Variants in POC1A observed in about 807,000 individuals in gnomAD.
The protein encoded by POC1A is POC1 centriolar protein A.
In POC1A, 34 loss-of-function variants were observed where a neutral mutation model predicts 47.8. The ratio of observed to expected loss-of-function variants is 0.71; its 90% confidence interval spans 0.54 to 0.95. The LOEUF (loss-of-function observed/expected upper bound fraction) is 0.95. Ranked by LOEUF, POC1A falls within the 40% of genes least tolerant of loss-of-function variation. The probability of loss-of-function intolerance (pLI) is 0.00; values close to 1 mark genes in which losing one functional copy is unlikely to be tolerated. For synonymous variants in POC1A, 177 were observed against 207.6 expected (o/e 0.85, Z 1.27); for missense variants, 466 against 528.3 (o/e 0.88, Z 1.16).
chr3:52,105,325 A>G (rs553164780), intron 9 of POC1A, among the ~76,000 whole-genome samples: 1 of 152,370 alleles, frequency 6.6e-6, no homozygotes, highest in Admixed American at 6.5e-5. Context: ...CTTCGATTGG[A>G]CTGTTCACTG....
chr3:52,147,151 C>A (rs1263119409), intron 4 of POC1A, 56 bp from the exon 5 acceptor site: 2 of 1,339,978 alleles, frequency 1.5e-6, no homozygotes, highest in East Asian at 2.4e-5. Context: ...ATGGGCACCA[C>A]ACACCTTCTT....
intron 4 of POC1A, among the ~76,000 whole-genome samples, chr3:52,148,089 T>C (rs940504978): frequency 6.6e-6 from 1 of 152,224 alleles, no homozygotes; most frequent in Non-Finnish European, 1.5e-5. Flanking sequence ...CCGGCAACAT[T>C]TGCATAAAGG....
rs970866716 is a variant in POC1A at position 52,075,647 on chromosome 3, T to C, written c.*240A>G. On this transcript the variant is annotated 3_prime_UTR_variant, in exon 11 of 11. Transcript: ENST00000296484. ...TTACATTAAGCAAAATGTGGTCCTC[T>C]CATTCGGGTCTGAAGCATCATTTGT... 5.2e-6 allele frequency: 2 copies of C among 385,740 alleles called. No homozygotes were observed. The highest frequency in any genetic ancestry group is 4.0e-5 in the African/African-American group (2 of 49,998). 23.9% of individuals were successfully genotyped at this position (385,740 alleles called of 1,614,324 possible).
At chr3:52,133,729 C>CCCTCCTTTT (rs1704326639) in intron 7 of POC1A, among the ~76,000 whole-genome samples, 1 of 152,158 alleles carries the variant, frequency 6.6e-6, no homozygotes, top group Non-Finnish European at 1.5e-5. Context: ...TGCACCCTGA[C>CCCTCCTTTT]CCTCCTTTTT....
chr3:52,100,794 C>A (rs966919953), intron 9 of POC1A, among the ~76,000 whole-genome samples: 13 of 152,034 alleles, frequency 8.6e-5, no homozygotes, highest in African/African-American at 3.1e-4. Flanking sequence ...GGAAGAAAAC[C>A]GTTCTTGGAG....
chr3:52,144,344 A>G (rs1353734439), intron 6 of POC1A, among the ~76,000 whole-genome samples: 1 of 152,230 alleles, frequency 6.6e-6, no homozygotes, highest in East Asian at 1.9e-4. Context: ...AGTGGAGGCA[A>G]GCCCCACTGC....
At chr3:52,106,536 G>A (rs926893686) in intron 9 of POC1A, among the ~76,000 whole-genome samples, 5 of 152,138 alleles carry the variant, frequency 3.3e-5, no homozygotes, top group African/African-American at 4.8e-5. Context: ...AATAAAAATC[G>A]TGAAGGGGTT....
At chr3:52,141,015 C>G (rs1698175278) in intron 6 of POC1A, among the ~76,000 whole-genome samples, 2 of 152,254 alleles carry the variant, frequency 1.3e-5, no homozygotes, top group Non-Finnish European at 2.9e-5. Flanking sequence ...ATGACACATA[C>G]TGCCACCTGG....
chr3:52,099,248 A>G (rs566875005), intron 9 of POC1A, among the ~76,000 whole-genome samples: 89 of 152,240 alleles, frequency 5.8e-4, no homozygotes, highest in African/African-American at 2.0e-3. Context: ...ATCCTCCCCA[A>G]TGTCTGCACT....
intron 9 of POC1A, among the ~76,000 whole-genome samples, chr3:52,111,321 C>T (rs1442496369): frequency 6.6e-6 from 1 of 152,200 alleles, no homozygotes; most frequent in Non-Finnish European, 1.5e-5. Flanking sequence ...CAGGGCTTGT[C>T]TCTGCTCTTG....
At chr3:52,147,983 C>G (rs1049405949) in intron 4 of POC1A, among the ~76,000 whole-genome samples, 1 of 152,120 alleles carries the variant, frequency 6.6e-6, no homozygotes, top group African/African-American at 2.4e-5. Context: ...AAAAAAGGTG[C>G]CTGCCTCACG....
intron 1 of POC1A, among the ~76,000 whole-genome samples, chr3:52,152,119 T>C (rs1698577521): frequency 1.3e-5 from 2 of 151,694 alleles, no homozygotes; most frequent in African/African-American, 4.8e-5. Context: ...ACAAAAAAAT[T>C]AAAGAATTAG....
At chr3:52,095,877 C>G (rs1277423159) in intron 10 of POC1A, among the ~76,000 whole-genome samples, 1 of 152,238 alleles carries the variant, frequency 6.6e-6, no homozygotes, top group African/African-American at 2.4e-5. Flanking sequence ...GGATTTTGCT[C>G]TTACTGAAAC....
Position 52,090,219 on chromosome 3 carries a change from G to A in POC1A, c.1125+6350C>T, listed in dbSNP as rs948046535. 1.3e-5 allele frequency among the ~76,000 whole-genome samples: 2 copies of A among 152,214 alleles called. No individual in the cohort carries two copies. Among genetic ancestry groups the A allele is most frequent in the Non-Finnish European group, 2.9e-5 (2 of 68,040 alleles). The stretch of plus-strand genomic sequence containing the variant: ...CTCCATGAGTCACAGGAACTGGAAC[G>A]TGACATCACAGCATTGCTGTGGCCA... On this transcript the variant is annotated intron_variant, in intron 10 of 10. Transcript: ENST00000296484. The surrounding 1 kb of genome is among the most constrained non-coding windows in gnomAD (Gnocchi z 4.2).
intron 9 of POC1A, among the ~76,000 whole-genome samples, chr3:52,116,821 CAGG>C (rs1243479786): frequency 6.6e-6 from 1 of 152,076 alleles, no homozygotes; most frequent in Non-Finnish European, 1.5e-5. Flanking sequence ...GAGGCAGAGG[CAGG>C]AGAACTGCTT....
At chr3:52,109,647 A>T (rs1437415166) in intron 9 of POC1A, among the ~76,000 whole-genome samples, 1 of 152,184 alleles carries the variant, frequency 6.6e-6, no homozygotes, top group Non-Finnish European at 1.5e-5. Context: ...GTCTAAGTCC[A>T]CGGAACGTTC....
intron 1 of POC1A, among the ~76,000 whole-genome samples, chr3:52,152,172 GGGT>G (rs1698578966): frequency 6.6e-6 from 1 of 152,202 alleles, no homozygotes; most frequent in African/African-American, 2.4e-5. Flanking sequence ...CTACTCAGGA[GGGT>G]GAGGTGGGAG....
chr3:52,120,130 C>G (rs1250840167), intron 9 of POC1A, among the ~76,000 whole-genome samples: 2 of 152,202 alleles, frequency 1.3e-5, no homozygotes, highest in Non-Finnish European at 2.9e-5. Flanking sequence ...AAAAGTAGCT[C>G]TCCTCAGTTT....
chr3:52,114,365 G>A (rs1055294725), intron 9 of POC1A, among the ~76,000 whole-genome samples: 4 of 152,222 alleles, frequency 2.6e-5, no homozygotes, highest in African/African-American at 9.6e-5. Flanking sequence ...AGGGTCTGCA[G>A]GGGGATTACA....
Sources: gnomAD v4.1 joint callset for allele counts (sites outside exome capture counted in the v4.1 genomes callset) on GRCh38, gnomAD v4.1.1 for gene constraint, Gnocchi (gnomAD v3.1) non-coding constraint, MANE v1.5 for transcripts, NCBI Gene and HGNC (gene_info 2026-07-23, HGNC 2026-07-21) for gene names.